Variants in ESR1 observed in about 807,000 individuals in gnomAD.
ESR1 encodes estrogen receptor.
A neutral mutation model predicts 52.7 loss-of-function variants in ESR1; 12 were observed. The ratio of observed to expected loss-of-function variants is 0.23; its 90% CI spans 0.15 to 0.37. The LOEUF is 0.37. ESR1 is among the 10% of genes least tolerant of loss of function. The pLI is 1.00. For missense variants in ESR1, 584 were observed against 779.7 expected (o/e 0.75, Z 2.99); for synonymous variants, 305 against 316.8 (o/e 0.96, Z 0.39).
chr6:152,098,308 A>AT lies in ESR1; in HGVS notation c.1554-421dup, dbSNP rs1352522859. ...TGGAGCGTCTTGAACTGCTTTACTCATTTAAAATACCCACTCCTGCTTGGC... is the reference window on the plus strand; with the variant it reads ...TGGAGCGTCTTGAACTGCTTTACTCATTTTAAAATACCCACTCCTGCTTGGC... On this transcript the variant is annotated intron_variant, in intron 7 of 7. Transcript: ENST00000206249. The surrounding 1 kb of genome is among the most constrained non-coding windows in gnomAD (Gnocchi z 5.1). Among the ~76,000 whole-genome samples, 2 of 152,064 alleles carry AT rather than the reference A, an allele frequency of 1.3e-5. No homozygotes were observed. Among genetic ancestry groups the AT allele is most frequent in the African/African-American group, 4.8e-5 (2 of 41,398 alleles).
rs1018370371 is a variant in ESR1, at chr6:151,789,275, A to G, written c.-70-18568A>G. 2.6e-5 allele frequency among the ~76,000 whole-genome samples: 4 copies of G among 152,362 alleles called. No individual in the cohort carries two copies. In the South Asian group the frequency reaches 8.3e-4, roughly 32 times the overall value. On this transcript the variant is annotated intron_variant, in intron 2 of 2. Coordinates refer to the ESR1 transcript ENST00000404742. ...ATGTTACCTTACAGCAATAGCTTCC[A>G]AAGGGGATGTCCTGAATAGTAGAAC...
At chr6:152,007,086 T>G (rs2042391315) in intron 4 of ESR1, among the ~76,000 whole-genome samples, 1 of 152,068 alleles carries the variant, frequency 6.6e-6, no homozygotes, top group Non-Finnish European at 1.5e-5. Flanking sequence ...TAGATTATAT[T>G]AGTCATTTTG....
intron 3 of ESR1, among the ~76,000 whole-genome samples, chr6:151,913,774 A>G (rs970773021): frequency 6.6e-6 from 1 of 152,148 alleles, no homozygotes; most frequent in African/African-American, 2.4e-5. Flanking sequence ...CATGTATCAG[A>G]TCTTTTTTTT....
intron 2 of ESR1, among the ~76,000 whole-genome samples, chr6:151,733,628 A>G (rs1197433390): frequency 2.0e-5 from 3 of 152,154 alleles, no homozygotes; most frequent in Non-Finnish European, 2.9e-5. Context: ...AAGACCTTGC[A>G]TTTAGGAAGT....
At chr6:151,787,343 T>C (rs566864934) in intron 2 of ESR1, among the ~76,000 whole-genome samples, 1 of 152,320 alleles carries the variant, frequency 6.6e-6, no homozygotes, top group East Asian at 1.9e-4. Context: ...TTTGGTTCCA[T>C]ATGAATTTTA....
At chr6:152,052,899 A>C (rs1209703649) in intron 5 of ESR1, among the ~76,000 whole-genome samples, 1 of 152,088 alleles carries the variant, frequency 6.6e-6, no homozygotes, top group South Asian at 2.1e-4. Flanking sequence ...AAGAGATTGA[A>C]CAAGGGCCAG....
chr6:152,060,936 T>G (rs2128957259), intron 5 of ESR1, 55 bp from the exon 6 acceptor site: 1 of 1,421,108 alleles, frequency 7.0e-7, no homozygotes. Flanking sequence ...TTGTGGAAGA[T>G]TTTCTGTTTT....
At chr6:151,867,414 T>TACACACACACACACAC (rs34943625) in intron 2 of ESR1, among the ~76,000 whole-genome samples, 23 of 147,562 alleles carry the variant, frequency 1.6e-4, no homozygotes, top group South Asian at 6.5e-4. Context: ...TCAACAAATT[T>TACACACACACACACAC]ACACACACAC....
intron 7 of ESR1, chr6:152,096,607 G>A: frequency 2.2e-6 from 1 of 455,564 alleles, no homozygotes; most frequent in Non-Finnish European, 4.4e-6. Context: ...TCCCTGCCCT[G>A]TGAATTCGGC....
chr6:151,939,335 G>T (rs1053256300), intron 3 of ESR1, among the ~76,000 whole-genome samples: 5 of 152,188 alleles, frequency 3.3e-5, no homozygotes, highest in African/African-American at 1.2e-4. Context: ...AAGTTAGACA[G>T]TTGGGGGGTG....
At chr6:151,728,384 C>T (rs1204298890) in intron 2 of ESR1, among the ~76,000 whole-genome samples, 1 of 152,172 alleles carries the variant, frequency 6.6e-6, no homozygotes, top group Non-Finnish European at 1.5e-5. Context: ...TTCAACTGAA[C>T]ATTGAAAAAT....
chr6:151,899,498 CGG>C (rs1433241126), intron 3 of ESR1, among the ~76,000 whole-genome samples: 60 of 146,810 alleles, frequency 4.1e-4, no homozygotes, highest in African/African-American at 1.5e-3. Flanking sequence ...ACCTCCCTCC[CGG>C]ACGGGGCGGC....
At chr6:151,662,860 C>T (rs781714944) in intron 1 of ESR1, among the ~76,000 whole-genome samples, 16 of 152,184 alleles carry the variant, frequency 1.1e-4, no homozygotes, top group Admixed American at 2.6e-4. Context: ...GGATCGTTCC[C>T]ATGTTTGTCT....
At position 151,795,651 on chromosome 6, in the gene ESR1, C is replaced by T. The variant is rs542636294; in HGVS notation, c.-70-12192C>T. Among the ~76,000 whole-genome samples the T allele has an allele frequency of 1.2e-4, 18 of 152,090 alleles. No homozygotes were observed. The South Asian group carries it at 3.3e-3, about 28-fold the overall frequency. ...GCTATGGGAGTTTAAATTGTACAGGCGTTATGAAGGCATTTGGTTACATCT... is the reference window on the plus strand; with the variant it reads ...GCTATGGGAGTTTAAATTGTACAGGTGTTATGAAGGCATTTGGTTACATCT... On this transcript the variant is annotated intron_variant, in intron 2 of 2. Coordinates refer to the ESR1 transcript ENST00000404742.
intron 3 of ESR1, among the ~76,000 whole-genome samples, chr6:151,895,133 G>GTT (rs34563069): frequency 2.4e-5 from 3 of 125,868 alleles, no homozygotes; most frequent in African/African-American, 6.0e-5. Flanking sequence ...GTTTTTTTTG[G>GTT]TTTTTTTTTT....
chr6:151,871,172 A>G lies in ESR1; in HGVS notation c.644-9483A>G, dbSNP rs545064028. Among the ~76,000 whole-genome samples the G allele has an allele frequency of 1.4e-4, 22 of 152,118 alleles. No individual in the cohort carries two copies. In the South Asian group the frequency reaches 4.2e-3, roughly 29 times the overall value. ...CAACTTCATTTTAAAAAATTGTGGT[A>G]AACTATACAATTCATCCATGAAAGC... is the stretch of plus-strand genomic sequence containing the variant. On this transcript the variant is annotated intron_variant, in intron 2 of 7. Coordinates refer to ENST00000206249, the MANE Select transcript of ESR1 (RefSeq NM_000125.4).
intron 5 of ESR1, among the ~76,000 whole-genome samples, chr6:152,021,480 A>G (rs901443365): frequency 6.6e-6 from 1 of 152,192 alleles, no homozygotes; most frequent in Admixed American, 6.5e-5. Context: ...TTTATCAAAT[A>G]GAAAGGAGAT....
chr6:151,806,281 G>T (rs1777822000), upstream of ESR1, among the ~76,000 whole-genome samples: 3 of 152,002 alleles, frequency 2.0e-5, no homozygotes. Context: ...GTAAGAATTA[G>T]ATAAAATGTA....
In ESR1 at chr6:152,084,590, C is replaced by G. The variant is rs924974192; in HGVS notation, c.1370-9795C>G. On this transcript the variant is annotated intron_variant, in intron 6 of 7. Transcript: ENST00000206249. Reference sequence around the variant, plus strand: ...GTGAAAATGAACTCATACACACACACAGAAGTATATCTTTACAGTTCCCAG... The same window carrying G: ...GTGAAAATGAACTCATACACACACAGAGAAGTATATCTTTACAGTTCCCAG... Among the ~76,000 whole-genome samples, 3 of 151,608 alleles carry G rather than the reference C, an allele frequency of 2.0e-5. No homozygotes were observed. The East Asian group carries it at 5.8e-4, about 29-fold the overall frequency.
Sources: gnomAD v4.1 joint callset for allele counts (sites outside exome capture counted in the v4.1 genomes callset) on GRCh38, gnomAD v4.1.1 for gene constraint, Gnocchi (gnomAD v3.1) non-coding constraint, MANE v1.5 for transcripts, NCBI Gene and HGNC (gene_info 2026-07-23, HGNC 2026-07-21) for gene names.